The following TCF7L1 variants were observed in gnomAD, a reference collection of about 807,000 sequenced individuals.
TCF7L1 encodes the protein transcription factor 7 like 1, also known as transcription factor 7-like 1.
In TCF7L1, 18 loss-of-function variants were observed where a neutral mutation model predicts 63.7. That is an observed-to-expected ratio of 0.28 (90% CI 0.20 to 0.42). The LOEUF (loss-of-function observed/expected upper bound fraction) is 0.42. Ranked by LOEUF, TCF7L1 falls within the 10% of genes least tolerant of loss-of-function variation. TCF7L1 has a pLI of 1.00. For missense variants in TCF7L1, 654 were observed against 779.3 expected (o/e 0.84, Z 1.91); for synonymous variants, 355 against 340.9 (o/e 1.04, Z -0.46).
chr2:85,190,227 A>G (rs988251970), intron 3 of TCF7L1, among the ~76,000 whole-genome samples: 2 of 152,220 alleles, frequency 1.3e-5, no homozygotes, highest in African/African-American at 4.8e-5. Context: ...TGAAGAGGCC[A>G]CAGAATATTT....
intron 3 of TCF7L1, among the ~76,000 whole-genome samples, chr2:85,230,222 T>C (rs1680046371): frequency 6.6e-6 from 1 of 152,250 alleles, no homozygotes; most frequent in African/African-American, 2.4e-5. Flanking sequence ...TCTGGTGCTT[T>C]ACTCTCATAA....
At chr2:85,218,034 T>G (rs1441086541) in intron 3 of TCF7L1, among the ~76,000 whole-genome samples, 3 of 152,264 alleles carry the variant, frequency 2.0e-5, no homozygotes, top group East Asian at 3.9e-4. Context: ...AATCATGTCC[T>G]CTTCTCCCGT....
At chr2:85,193,836 T>C (rs369820994) in intron 3 of TCF7L1, among the ~76,000 whole-genome samples, 1 of 151,948 alleles carries the variant, frequency 6.6e-6, no homozygotes, top group Non-Finnish European at 1.5e-5. Flanking sequence ...AAAATGCATA[T>C]AGAGAGAGAG....
chr2:85,175,521 G>C (rs150110748), intron 3 of TCF7L1, among the ~76,000 whole-genome samples: 4 of 152,140 alleles, frequency 2.6e-5, no homozygotes, highest in Admixed American at 1.3e-4. Context: ...TAGCCAGGAT[G>C]GGGGGTGGGT....
At chr2:85,299,860 A>AACACACACACACAC (rs61569778) in intron 4 of TCF7L1, among the ~76,000 whole-genome samples, 2,782 of 92,720 alleles carry the variant, frequency 0.03, 246 homozygotes, top group South Asian at 0.048. Context: ...CCTTGTCTCA[A>AACACACACACACAC]ACACACACAC....
At chr2:85,262,679 G>A (rs1680885193) in intron 3 of TCF7L1, among the ~76,000 whole-genome samples, 1 of 152,198 alleles carries the variant, frequency 6.6e-6, no homozygotes, top group South Asian at 2.1e-4. Flanking sequence ...ATACATGGGG[G>A]ATACCCAGGA....
Position 85,295,495 on chromosome 2 carries a change from C to A in TCF7L1, c.526-6989C>A, listed in dbSNP as rs188004275. Among the ~76,000 whole-genome samples, 403 of 152,278 alleles carry A rather than the reference C, an allele frequency of 2.6e-3. 3 individuals are homozygous for A. The highest frequency in any genetic ancestry group is 0.022 in the Admixed American group (340 of 15,300). ...GGATTACAGGCATGAGCCACCGTGC[C>A]TGGCCACTTTTGGGTATTATTTTAA... On this transcript the variant is annotated intron_variant, in intron 4 of 11. Transcript: ENST00000282111.
Position 85,261,475 on chromosome 2 carries a change from A to G in TCF7L1, c.442-22020A>G, listed in dbSNP as rs553641187. Among the ~76,000 whole-genome samples the G allele has an allele frequency of 7.9e-5, 12 of 152,280 alleles. No homozygotes were observed. The East Asian group carries it at 2.1e-3, about 27-fold the overall frequency. On this transcript the variant is annotated intron_variant, in intron 3 of 11. Transcript: ENST00000282111. ...TGGAAGAGGACTTTGTGAAGTGGAG[A>G]CTGTACATGATTCCACCAGCAAGCA...
chr2:85,226,973 G>A (rs568729885), intron 3 of TCF7L1, among the ~76,000 whole-genome samples: 24 of 152,160 alleles, frequency 1.6e-4, no homozygotes, highest in African/African-American at 5.5e-4. Flanking sequence ...AAATAGCACC[G>A]CTGCCGCCGT....
chr2:85,307,374 C>G (rs1429139322), intron 10 of TCF7L1, among the ~76,000 whole-genome samples: 2 of 152,170 alleles, frequency 1.3e-5, no homozygotes, highest in African/African-American at 4.8e-5. Flanking sequence ...AACAGAAAAA[C>G]AGAGTCTGAA....
chr2:85,143,210 G>A (rs1175262991), intron 3 of TCF7L1, among the ~76,000 whole-genome samples: 3 of 152,182 alleles, frequency 2.0e-5, no homozygotes, highest in Non-Finnish European at 4.4e-5. Flanking sequence ...AAGGCCCCAA[G>A]TGTTCACCCT....
intron 3 of TCF7L1, among the ~76,000 whole-genome samples, chr2:85,247,396 TA>T (rs1680490924): frequency 6.6e-6 from 1 of 152,236 alleles, no homozygotes; most frequent in African/African-American, 2.4e-5. Flanking sequence ...ACAGCTAAGT[TA>T]GACCCTAGTC....
chr2:85,301,836 C>CT (rs1222906864), intron 4 of TCF7L1, among the ~76,000 whole-genome samples: 1 of 152,034 alleles, frequency 6.6e-6, no homozygotes, highest in African/African-American at 2.4e-5. Flanking sequence ...TGTGTTAAAC[C>CT]TTTTCAGGGC....
At chr2:85,214,760 C>T (rs1328855667) in intron 3 of TCF7L1, among the ~76,000 whole-genome samples, 2 of 151,884 alleles carry the variant, frequency 1.3e-5, no homozygotes, top group African/African-American at 4.8e-5. Context: ...AGGGGCTCCC[C>T]GAGTTTTAAA....
intron 3 of TCF7L1, among the ~76,000 whole-genome samples, chr2:85,252,973 C>A (rs1380457512): frequency 6.6e-6 from 1 of 152,168 alleles, no homozygotes; most frequent in African/African-American, 2.4e-5. Flanking sequence ...CTTTCTCAGA[C>A]GGCCTAAAAT....
chr2:85,158,372 G>C (rs1037390373), intron 3 of TCF7L1, among the ~76,000 whole-genome samples: 3 of 152,200 alleles, frequency 2.0e-5, no homozygotes, highest in African/African-American at 7.2e-5. Flanking sequence ...AGGAGACCAT[G>C]CACATGACTC....
intron 3 of TCF7L1, among the ~76,000 whole-genome samples, chr2:85,281,155 G>A (rs751076896): frequency 6.6e-6 from 1 of 151,730 alleles, no homozygotes; most frequent in Non-Finnish European, 1.5e-5. Context: ...TCCCAAGAAG[G>A]TGGGACTACA....
intron 3 of TCF7L1, among the ~76,000 whole-genome samples, chr2:85,185,317 G>A (rs933291449): frequency 5.3e-5 from 8 of 151,900 alleles, no homozygotes; most frequent in Admixed American, 1.3e-4. Flanking sequence ...GAGTGCAGTG[G>A]TGCTATCGTA....
chr2:85,306,299 G>A lies in TCF7L1; in HGVS notation c.1083G>A (p.Arg361=), dbSNP rs1182913441. 4 of 1,614,154 alleles carry A rather than the reference G, an allele frequency of 2.5e-6. No individual in the cohort carries two copies. Among genetic ancestry groups the A allele is most frequent in the Non-Finnish European group, 3.4e-6 (4 of 1,180,030 alleles). The change falls in exon 9 of 12, where the codon AGG becomes AGA. Residue 361 remains arginine (R), a synonymous_variant. Coordinates refer to ENST00000282111, the MANE Select transcript of TCF7L1 (RefSeq NM_031283.3). This position sits in a 1 kb window ranked among gnomAD's most constrained non-coding sequence, Gnocchi z 4.3. ...TCATGTTGTATATGAAGGAGATGAG[G>A]GCCAAGGTGGTGGCTGAGTGCACCC... ...NAFMLYMKEM[R]AKVVAECTLK... is the part of the protein sequence containing the mutation.
Sources: gnomAD v4.1 joint callset for allele counts (sites outside exome capture counted in the v4.1 genomes callset) on GRCh38, gnomAD v4.1.1 for gene constraint, Gnocchi (gnomAD v3.1) non-coding constraint, MANE v1.5 for transcripts, NCBI Gene and HGNC (gene_info 2026-07-23, HGNC 2026-07-21) for gene names.